PSD3: variants seen among roughly 807,000 people sequenced by gnomAD.
The protein encoded by PSD3 is PH and SEC7 domain-containing protein 3.
Under a neutral mutation model 105.5 loss-of-function variants are expected in PSD3, and 49 were observed. The observed-to-expected ratio is 0.46, with a 90% CI of 0.37 to 0.59. PSD3 has a LOEUF of 0.59. PSD3 is among the 20% of genes least tolerant of loss of function. PSD3 has a pLI of 0.00. For synonymous variants in PSD3, 557 were observed against 457.8 expected (o/e 1.22, Z -2.77); for missense variants, 1,561 against 1,263.8 (o/e 1.24, Z -3.57).
At chr8:18,779,024 A>C (rs1022166276) in intron 8 of PSD3, among the ~76,000 whole-genome samples, 3 of 152,078 alleles carry the variant, frequency 2.0e-5, no homozygotes, top group African/African-American at 7.2e-5. Context: ...TTTGAGGAGA[A>C]CTGATGTTAG....
chr8:18,927,814 G>A (rs7822535), intron 2 of PSD3, among the ~76,000 whole-genome samples: 2,970 of 152,196 alleles, frequency 0.02, 111 homozygotes, highest in African/African-American at 0.068. Context: ...GACATTCTAA[G>A]GATTTTAGGA....
intron 1 of PSD3, among the ~76,000 whole-genome samples, chr8:18,977,506 T>C (rs1825008710): frequency 6.6e-6 from 1 of 152,284 alleles, no homozygotes; most frequent in Non-Finnish European, 1.5e-5. Context: ...CATTTTAACA[T>C]GTCACATGGA....
At chr8:18,898,546 ATCCACATAACTTTTGAC>A (rs569127549) in intron 2 of PSD3, among the ~76,000 whole-genome samples, 228 of 152,262 alleles carry the variant, frequency 1.5e-3, no homozygotes, top group Non-Finnish European at 2.8e-3. Context: ...GCAGTTGAAA[ATCCACATAACTTTTGAC>A]TCTCCAAAAA....
intron 1 of PSD3, among the ~76,000 whole-genome samples, chr8:19,083,167 C>A (rs1186933634): frequency 1.3e-5 from 2 of 152,200 alleles, no homozygotes; most frequent in African/African-American, 4.8e-5. Context: ...CGTCTCATCC[C>A]ACCACCCTCC....
chr8:18,766,923 C>G (rs191155012), intron 8 of PSD3, among the ~76,000 whole-genome samples: 1 of 152,202 alleles, frequency 6.6e-6, no homozygotes. Flanking sequence ...ACGCCTATCC[C>G]TTTGCACTAG....
At chr8:18,985,363 T>G (rs1825450033) in intron 1 of PSD3, among the ~76,000 whole-genome samples, 1 of 152,210 alleles carries the variant, frequency 6.6e-6, no homozygotes, top group South Asian at 2.1e-4. Context: ...CACAGAGGTC[T>G]GCATATAGAA....
chr8:18,695,181 G>A (rs938775152), intron 9 of PSD3, among the ~76,000 whole-genome samples: 1 of 152,140 alleles, frequency 6.6e-6, no homozygotes, highest in Non-Finnish European at 1.5e-5. Flanking sequence ...AAGGCCTGAT[G>A]AGAGCTAATG....
At chr8:18,547,130 C>A (rs559347227) in intron 15 of PSD3, among the ~76,000 whole-genome samples, 2 of 152,124 alleles carry the variant, frequency 1.3e-5, no homozygotes, top group Non-Finnish European at 1.5e-5. Flanking sequence ...TGGGCACCCA[C>A]CCATGTAAGC....
At chr8:18,754,978 A>C (rs1805897901) in intron 9 of PSD3, among the ~76,000 whole-genome samples, 1 of 152,162 alleles carries the variant, frequency 6.6e-6, no homozygotes, top group Non-Finnish European at 1.5e-5. Context: ...AAAGGAGGGC[A>C]TCAATCATCC....
At chr8:18,995,946 A>G (rs1826058258) in intron 1 of PSD3, among the ~76,000 whole-genome samples, 3 of 151,934 alleles carry the variant, frequency 2.0e-5, no homozygotes, top group African/African-American at 7.2e-5. Flanking sequence ...CATATCAGCC[A>G]GCATCCGTAG....
At chr8:18,905,273 G>A (rs1273517902) in intron 2 of PSD3, among the ~76,000 whole-genome samples, 1 of 152,046 alleles carries the variant, frequency 6.6e-6, no homozygotes, top group East Asian at 1.9e-4. Flanking sequence ...CATAACCTGA[G>A]CTCTCAATGA....
chr8:18,651,945 G>C (rs973846737), intron 10 of PSD3, among the ~76,000 whole-genome samples: 11 of 152,182 alleles, frequency 7.2e-5, no homozygotes, highest in African/African-American at 2.7e-4. Flanking sequence ...GGGAAGATTG[G>C]AGACAGAAGG....
chr8:18,752,510 AATATATG>A (rs540878870), intron 9 of PSD3, among the ~76,000 whole-genome samples: 1,621 of 67,602 alleles, frequency 0.024, 105 homozygotes, highest in African/African-American at 0.12. Context: ...TAATATATAT[AATATATG>A]TAATATATAT....
chr8:18,607,556 T>G (rs1455667137), intron 11 of PSD3, among the ~76,000 whole-genome samples: 2 of 151,856 alleles, frequency 1.3e-5, no homozygotes, highest in Non-Finnish European at 2.9e-5. Flanking sequence ...CCAGCTAAAC[T>G]AGATTCGGGA....
Position 18,812,418 on chromosome 8 carries a change from T to C in PSD3, c.1635-7520A>G, listed in dbSNP as rs1811774974. ...AAGGGTTCTGAGTAAAGATCTAACA[T>C]TAATTTATATTTTTAAAGGATCACT... On this transcript the variant is annotated intron_variant, in intron 4 of 15. Transcript: ENST00000327040. Among the ~76,000 whole-genome samples, 4 of 152,176 alleles carry C rather than the reference T, an allele frequency of 2.6e-5. 1 individual carries two copies. Among genetic ancestry groups the C allele is most frequent in the African/African-American group, 7.2e-5 (3 of 41,438 alleles).
intron 9 of PSD3, among the ~76,000 whole-genome samples, chr8:18,721,797 G>A (rs563862068): frequency 6.6e-6 from 1 of 152,214 alleles, no homozygotes; most frequent in African/African-American, 2.4e-5. Context: ...AATCCAGCCA[G>A]TAAAGAATCA....
rs554212755 is a variant in PSD3, at chr8:18,582,023, C to G, written c.2482-6738G>C. On this transcript the variant is annotated intron_variant, in intron 12 of 15. Transcript: ENST00000327040. ...TAAGAAACTGTCTGGGGGAAAGGAACAAAGATAAGGACTTACTTTACTTTA... is the reference window on the plus strand; with the variant it reads ...TAAGAAACTGTCTGGGGGAAAGGAAGAAAGATAAGGACTTACTTTACTTTA... Among the ~76,000 whole-genome samples the G allele has an allele frequency of 2.0e-5, 3 of 152,114 alleles. No individual in the cohort carries two copies. In the East Asian group the frequency reaches 5.8e-4, roughly 29 times the overall value.
chr8:18,817,773 T>G (rs926400007), intron 4 of PSD3, among the ~76,000 whole-genome samples: 3 of 152,210 alleles, frequency 2.0e-5, no homozygotes, highest in African/African-American at 7.2e-5. Flanking sequence ...CTCTCTATGT[T>G]GCAGATCTTT....
intron 1 of PSD3, among the ~76,000 whole-genome samples, chr8:19,008,591 G>A (rs1826809088): frequency 6.6e-6 from 1 of 152,162 alleles, no homozygotes; most frequent in African/African-American, 2.4e-5. Context: ...AAAAAAGCAT[G>A]TAAGTTTCCA....
Sources: gnomAD v4.1 joint callset for allele counts (sites outside exome capture counted in the v4.1 genomes callset) on GRCh38, gnomAD v4.1.1 for gene constraint, MANE v1.5 for transcripts, NCBI Gene and HGNC (gene_info 2026-07-23, HGNC 2026-07-21) for gene names.